BNC2: variants seen among roughly 807,000 people sequenced by gnomAD.
The protein encoded by BNC2 is basonuclin zinc finger protein 2.
Under a neutral mutation model 76.3 loss-of-function variants are expected in BNC2, and 20 were observed. The ratio of observed to expected loss-of-function variants is 0.26; its 90% CI spans 0.18 to 0.38. The LOEUF (loss-of-function observed/expected upper bound fraction) is 0.38. Among genes scored for constraint, BNC2 ranks in the 10% least tolerant of loss-of-function variants. The probability of loss-of-function intolerance (pLI) is 1.00; values close to 1 mark genes in which losing one functional copy is unlikely to be tolerated. For missense variants in BNC2, 1,382 were observed against 1,399.8 expected (o/e 0.99, Z 0.20); for synonymous variants, 582 against 514.8 (o/e 1.13, Z -1.77).
At chr9:16,750,853 T>A (rs879743501) in intron 1 of BNC2, among the ~76,000 whole-genome samples, 4 of 152,252 alleles carry the variant, frequency 2.6e-5, no homozygotes, top group Non-Finnish European at 5.9e-5. Flanking sequence ...GGTGAATGAA[T>A]GAACACAAGA....
At chr9:16,493,880 TAGAG>T (rs774117327) in intron 5 of BNC2, among the ~76,000 whole-genome samples, 13 of 151,988 alleles carry the variant, frequency 8.6e-5, no homozygotes, top group Non-Finnish European at 1.5e-4. Flanking sequence ...ATGGCGTGTT[TAGAG>T]AGAGCAGAAA....
At chr9:16,807,408 TAA>T (rs1171972260) in intron 1 of BNC2, among the ~76,000 whole-genome samples, 2 of 152,176 alleles carry the variant, frequency 1.3e-5, no homozygotes, top group Non-Finnish European at 2.9e-5. Context: ...CAAAAAGAAA[TAA>T]GATACCATAT....
intron 5 of BNC2, among the ~76,000 whole-genome samples, chr9:16,540,830 A>T (rs1026109940): frequency 3.3e-5 from 5 of 152,154 alleles, no homozygotes; most frequent in African/African-American, 1.2e-4. Flanking sequence ...CTAGCACCTC[A>T]TTGAAAGATC....
intron 1 of BNC2, among the ~76,000 whole-genome samples, chr9:16,788,280 G>A (rs145598531): frequency 0.012 from 1,893 of 152,178 alleles, 19 homozygotes; most frequent in South Asian, 0.034. Flanking sequence ...TGGGCCAGGC[G>A]CGGTGGCTCA....
At chr9:16,857,021 T>C (rs773849594) in intron 1 of BNC2, among the ~76,000 whole-genome samples, 3 of 152,172 alleles carry the variant, frequency 2.0e-5, no homozygotes, top group Non-Finnish European at 2.9e-5. Context: ...AGTCCATACA[T>C]ATAAAACATA....
rs920077298 is a variant in BNC2 at position 16,419,092 on chromosome 9, T to G, written c.3197A>C (p.Lys1066Thr). 6.2e-7 allele frequency: 1 copy of G among 1,614,080 alleles called. No homozygotes were observed. Among genetic ancestry groups the G allele is most frequent in the Non-Finnish European group, 8.5e-7 (1 of 1,180,052 alleles). The change falls in exon 7 of 7, where the codon AAA becomes ACA. Residue 1066 changes from lysine (K) to threonine (T), a missense_variant. This residue lies in a region of BNC2 where 798 missense variants were observed against 775.5 expected (regional missense o/e 1.03). Transcript: ENST00000380672. ...AAACATCATATTGCAACCTGGGACTTTGCACTTGTGCATTTCTCTCAAATG... is the reference window on the plus strand; with the variant it reads ...AAACATCATATTGCAACCTGGGACTGTGCACTTGTGCATTTCTCTCAAATG... The part of the protein sequence containing the change: ...TVHLREMHKC[K>T]VPGCNMMFSS...
In BNC2 at chr9:16,419,422, T is replaced by A; in HGVS notation, c.2867A>T (p.Asp956Val). 2 of 1,606,490 alleles carry A rather than the reference T, an allele frequency of 1.2e-6. No homozygotes were observed. The highest frequency in any genetic ancestry group is 1.7e-6 in the Non-Finnish European group (2 of 1,175,938). ...GGTGCTCAAGTCAAGGACCATGTAG[T>A]CCTCTGCCATGCCTCTCCCATACCC... ...LNGYGRGMAE[D>V]YMVLDLSTTS... The change falls in exon 7 of 7, where the codon GAC (aspartate) becomes GTC (valine). Residue 956 changes from aspartate (D) to valine (V), a missense_variant. Asp to Val is a radical substitution (Grantham distance 152). Transcript: ENST00000380672.
chr9:16,575,504 G>A (rs1256581760), intron 4 of BNC2: 1 of 918,576 alleles, frequency 1.1e-6, no homozygotes, highest in East Asian at 1.2e-4. Flanking sequence ...AAAATTTAAG[G>A]AGTGCAAAGC....
chr9:16,667,089 A>C (rs966375445), intron 3 of BNC2, among the ~76,000 whole-genome samples: 2 of 151,392 alleles, frequency 1.3e-5, no homozygotes, highest in African/African-American at 4.9e-5. Context: ...ATACACACAC[A>C]CACACACACA....
intron 3 of BNC2, among the ~76,000 whole-genome samples, chr9:16,694,847 C>T (rs989348508): frequency 6.6e-6 from 1 of 152,120 alleles, no homozygotes; most frequent in African/African-American, 2.4e-5. Context: ...CAAACGCATA[C>T]AAAGTTGATT....
intron 5 of BNC2, among the ~76,000 whole-genome samples, chr9:16,453,014 C>A (rs1821374769): frequency 6.6e-6 from 1 of 152,174 alleles, no homozygotes; most frequent in Non-Finnish European, 1.5e-5. Context: ...GGCACAGAGG[C>A]TACTGGACGG....
At chr9:16,731,195 T>A (rs1239256443) in intron 2 of BNC2, among the ~76,000 whole-genome samples, 1 of 152,186 alleles carries the variant, frequency 6.6e-6, no homozygotes, top group Non-Finnish European at 1.5e-5. Flanking sequence ...ATGGAATAAC[T>A]CTCTGGAATC....
At chr9:16,457,461 G>A (rs1821478239) in intron 5 of BNC2, among the ~76,000 whole-genome samples, 1 of 152,184 alleles carries the variant, frequency 6.6e-6, no homozygotes, top group African/African-American at 2.4e-5. Flanking sequence ...AGGGCAACAT[G>A]CATGGAGCAA....
chr9:16,785,489 G>A (rs1402987969), intron 1 of BNC2, among the ~76,000 whole-genome samples: 3 of 151,540 alleles, frequency 2.0e-5, no homozygotes, highest in Non-Finnish European at 2.9e-5. Context: ...CCACCTCCCA[G>A]GTTCAAGCAA....
chr9:16,665,950 G>C (rs993419672), intron 3 of BNC2, among the ~76,000 whole-genome samples: 3 of 151,982 alleles, frequency 2.0e-5, no homozygotes, highest in African/African-American at 4.8e-5. Flanking sequence ...AGGACTTCCA[G>C]GATTAAAAAT....
At chr9:16,797,057 AT>A (rs1437691309) in intron 1 of BNC2, among the ~76,000 whole-genome samples, 1 of 152,214 alleles carries the variant, frequency 6.6e-6, no homozygotes, top group Non-Finnish European at 1.5e-5. Flanking sequence ...AACAGGAATG[AT>A]AAAAGTAAAA....
chr9:16,433,454 C>T (rs999032017), intron 6 of BNC2, among the ~76,000 whole-genome samples: 8 of 152,162 alleles, frequency 5.3e-5, no homozygotes, highest in East Asian at 3.9e-4. Flanking sequence ...CATCTGTACT[C>T]TTCTTCCCAC....
At chr9:16,670,809 G>C (rs192949878) in intron 3 of BNC2, among the ~76,000 whole-genome samples, 55 of 152,276 alleles carry the variant, frequency 3.6e-4, no homozygotes, top group Admixed American at 3.4e-3. Context: ...ATACTCCAGA[G>C]CTCTCTATGC....
chr9:16,750,732 G>A (rs1345692752), intron 1 of BNC2, among the ~76,000 whole-genome samples: 1 of 152,212 alleles, frequency 6.6e-6, no homozygotes, highest in Non-Finnish European at 1.5e-5. Context: ...GTTAATGAAC[G>A]ATTAAGCCTC....
Sources: gnomAD v4.1 joint callset for allele counts (sites outside exome capture counted in the v4.1 genomes callset) on GRCh38, gnomAD v4.1.1 for gene constraint, gnomAD v4.1.1 regional missense constraint, MANE v1.5 for transcripts, NCBI Gene and HGNC (gene_info 2026-07-23, HGNC 2026-07-21) for gene names.